KCNG2: variants seen among roughly 807,000 people sequenced by gnomAD.
The protein encoded by KCNG2 is voltage-gated potassium channel regulatory subunit KCNG2.
In KCNG2, 7 loss-of-function variants were observed where a neutral mutation model predicts 12.3. That is an observed-to-expected ratio of 0.57 (90% CI 0.32 to 1.07). KCNG2 has a LOEUF of 1.07. Ranked by LOEUF, KCNG2 falls within the 50% of genes least tolerant of loss-of-function variation. KCNG2 has a pLI of 0.04. For synonymous variants in KCNG2, 414 were observed against 351.4 expected, an observed-to-expected ratio of 1.18 and a Z score of -1.99; for missense variants, 703 against 726.0, an observed-to-expected ratio of 0.97 and a Z score of 0.36.
intron 1 of KCNG2, among the ~76,000 whole-genome samples, chr18:79,828,416 A>G (rs562856550): frequency 5.3e-4 from 79 of 148,820 alleles, no homozygotes; most frequent in South Asian, 2.2e-4. Flanking sequence ...CAGTGTGTGC[A>G]TGTTTGGGTG....
chr18:79,813,225 A>C (rs1568242897), intron 1 of KCNG2, among the ~76,000 whole-genome samples: 2 of 152,210 alleles, frequency 1.3e-5, no homozygotes, highest in Non-Finnish European at 2.9e-5. Flanking sequence ...ACGAATTCAC[A>C]TGCAGAACCC....
At chr18:79,882,172 C>T (rs552794452) in intron 3 of KCNG2, among the ~76,000 whole-genome samples, 6 of 152,314 alleles carry the variant, frequency 3.9e-5, no homozygotes, top group Middle Eastern at 6.8e-3. Context: ...GCGTCAGATA[C>T]GCGATTCATG....
At chr18:79,828,567 A>C (rs1316192042) in intron 1 of KCNG2, among the ~76,000 whole-genome samples, 1 of 150,612 alleles carries the variant, frequency 6.6e-6, no homozygotes, top group Non-Finnish European at 1.5e-5. Context: ...ATCTGTGTGC[A>C]TGTCTGTGTG....
In KCNG2 at chr18:79,853,839, C is replaced by T. The variant is rs530600097; in HGVS notation, c.-114-2540C>T. Among the ~76,000 whole-genome samples the T allele has an allele frequency of 5.8e-4, 89 of 152,344 alleles. 1 individual carries two copies. The highest frequency in any genetic ancestry group is 2.0e-3 in the African/African-American group (85 of 41,580). On this transcript the variant is annotated intron_variant, in intron 1 of 3. Coordinates refer to ENST00000316249, the MANE Select transcript of KCNG2 (RefSeq NM_012283.2). ...GGCTCCCTCCAGGGCCCGAGACGGGCGCCACCCCAGGGCGGGCACTACTTG... is the reference window on the plus strand; with the variant it reads ...GGCTCCCTCCAGGGCCCGAGACGGGTGCCACCCCAGGGCGGGCACTACTTG...
At chr18:79,828,163 G>A (rs955449213) in intron 1 of KCNG2, among the ~76,000 whole-genome samples, 2 of 152,164 alleles carry the variant, frequency 1.3e-5, no homozygotes, top group African/African-American at 4.8e-5. Context: ...GACCCCAGGT[G>A]ATCCGCCCAC....
rs1056305616 is a variant in KCNG2, at chr18:79,892,110, G to A, written c.625-6930G>A. Among the ~76,000 whole-genome samples, 10 of 112,244 alleles carry A rather than the reference G, an allele frequency of 8.9e-5. 1 individual carries two copies. The highest frequency in any genetic ancestry group is 2.5e-4 in the East Asian group (1 of 4,006). 73.6% of individuals were successfully genotyped at this position (112,244 alleles called of 152,430 possible). ...AGCCTGGATGACAGAGCAAGACTCC[G>A]TCTAAAAAAAAAAAAAAAAAACAAC... On this transcript the variant is annotated intron_variant, in intron 3 of 3. Coordinates refer to ENST00000316249, the MANE Select transcript of KCNG2 (RefSeq NM_012283.2).
chr18:79,873,433 C>CCCCCCT (rs1979938155), intron 3 of KCNG2, among the ~76,000 whole-genome samples: 1 of 144,728 alleles, frequency 6.9e-6, no homozygotes, highest in South Asian at 2.4e-4. Context: ...CCCTCCCCCC[C>CCCCCCT]CCCCAGCCAC....
In KCNG2 at chr18:79,888,408, C is replaced by T. The variant is rs184781942; in HGVS notation, c.625-10632C>T. Reference sequence around the variant, plus strand: ...GGCCGCGGTGGGGCCGGGACGGCGGCGTCCTCCTCATGAGGCCGCGGTGGG... The same window carrying T: ...GGCCGCGGTGGGGCCGGGACGGCGGTGTCCTCCTCATGAGGCCGCGGTGGG... On this transcript the variant is annotated intron_variant, in intron 3 of 3. Coordinates refer to ENST00000316249, the MANE Select transcript of KCNG2 (RefSeq NM_012283.2). Among the ~76,000 whole-genome samples, 267 of 144,088 alleles carry T rather than the reference C, an allele frequency of 1.9e-3. 3 individuals are homozygous for T. Among genetic ancestry groups the T allele is most frequent in the Middle Eastern group, 3.6e-3 (1 of 274 alleles). 94.5% of individuals were successfully genotyped at this position (144,088 alleles called of 152,430 possible).
rs7229391 is a variant in KCNG2 at position 79,882,897 on chromosome 18, A to G, written c.625-16143A>G. Reference sequence around the variant, plus strand: ...CGCGTGGAGCGCGGAGGCCGGGTACATCTGCGCGTGGCACGCGGAGGCCGG... The same window carrying G: ...CGCGTGGAGCGCGGAGGCCGGGTACGTCTGCGCGTGGCACGCGGAGGCCGG... On this transcript the variant is annotated intron_variant, in intron 3 of 3. Coordinates refer to ENST00000316249, the MANE Select transcript of KCNG2 (RefSeq NM_012283.2). 2.7e-3 allele frequency among the ~76,000 whole-genome samples: 345 copies of G among 125,836 alleles called. 8 individuals are homozygous for G. Among genetic ancestry groups the G allele is most frequent in the Middle Eastern group, 0.013 (3 of 228 alleles). 82.6% of individuals were successfully genotyped at this position (125,836 alleles called of 152,430 possible). A position where few individuals can be genotyped will look rare whatever the true frequency, so the allele number is the denominator to read the frequency against.
intron 1 of KCNG2, among the ~76,000 whole-genome samples, chr18:79,804,809 A>C (rs946054220): frequency 2.6e-5 from 4 of 152,252 alleles, no homozygotes; most frequent in African/African-American, 9.6e-5. Flanking sequence ...GTACACTTTT[A>C]TCACAGAAGA....
At chr18:79,885,856 G>A (rs1980508504) in intron 3 of KCNG2, among the ~76,000 whole-genome samples, 1 of 117,794 alleles carries the variant, frequency 8.5e-6, no homozygotes, top group Non-Finnish European at 1.9e-5. Flanking sequence ...AGGGAGATGG[G>A]GATGGGAACA....
At chr18:79,802,761 T>G (rs1368931973) in intron 1 of KCNG2, among the ~76,000 whole-genome samples, 1 of 151,762 alleles carries the variant, frequency 6.6e-6, no homozygotes, top group South Asian at 2.1e-4. Flanking sequence ...TTGGAGGGGA[T>G]GTCTTTGTGT....
At chr18:79,885,368 G>C (rs769373322) in intron 3 of KCNG2, among the ~76,000 whole-genome samples, 1 of 152,204 alleles carries the variant, frequency 6.6e-6, no homozygotes, top group South Asian at 2.1e-4. Flanking sequence ...TGATCAATCA[G>C]GGTCTGTTTT....
At position 79,899,578 on chromosome 18, in the gene KCNG2, G is replaced by A; in HGVS notation, c.1163G>A (p.Ser388Asn). The part of the protein sequence containing the change: ...RSLPGQVVAL[S>N]SILSGILLMA... ...CTGCCCGGGCAGGTGGTGGCGCTCA[G>A]CAGCATCCTCAGCGGCATCCTGCTC... The change falls in exon 4 of 4, where the codon AGC becomes AAC. Residue 388 changes from serine (S) to asparagine (N), a missense_variant. Ser to Asn is a conservative substitution (Grantham distance 46). Coordinates refer to ENST00000316249, the MANE Select transcript of KCNG2 (RefSeq NM_012283.2). 1.2e-6 allele frequency: 2 copies of A among 1,600,334 alleles called. No individual in the cohort carries two copies. Among genetic ancestry groups the A allele is most frequent in the Non-Finnish European group, 1.7e-6 (2 of 1,173,424 alleles).
At chr18:79,865,765 GGTCTGTGTGCTGAGAA>G (rs1307663514) in intron 3 of KCNG2, among the ~76,000 whole-genome samples, 12 of 137,780 alleles carry the variant, frequency 8.7e-5, no homozygotes, top group East Asian at 2.1e-4. Context: ...GGTGCTGAGA[GGTCTGTGTGCTGAGAA>G]GTCTGGGTGC....
At chr18:79,861,456 T>A (rs903846358) in intron 2 of KCNG2, among the ~76,000 whole-genome samples, 2 of 151,982 alleles carry the variant, frequency 1.3e-5, no homozygotes, top group African/African-American at 4.8e-5. Flanking sequence ...TTTTTGTATT[T>A]TTAGTAGAGA....
At chr18:79,882,416 G>A (rs978816979) in intron 3 of KCNG2, among the ~76,000 whole-genome samples, 3 of 152,226 alleles carry the variant, frequency 2.0e-5, no homozygotes, top group African/African-American at 7.2e-5. Flanking sequence ...CTCAGACTGG[G>A]AGAAAATATT....
intron 1 of KCNG2, among the ~76,000 whole-genome samples, chr18:79,810,927 G>A (rs2087489956): frequency 6.6e-6 from 1 of 152,202 alleles, no homozygotes; most frequent in Non-Finnish European, 1.5e-5. Flanking sequence ...AACTCAGCGT[G>A]TTGTTGTATA....
chr18:79,864,055 G>T lies in KCNG2; in HGVS notation c.388G>T (p.Ala130Ser). ...LRRLRRREEE[A>S]AEARAGPTER... ...CCGCCTGCGCCGCCGCGAGGAGGAGGCGGCCGAGGCCCGCGCGGGGCCGAC... is the reference window on the plus strand; with the variant it reads ...CCGCCTGCGCCGCCGCGAGGAGGAGTCGGCCGAGGCCCGCGCGGGGCCGAC... Residue 130 changes from alanine to serine, a missense_variant, in exon 3 of 4, where the codon GCG (alanine) becomes TCG (serine). Coordinates refer to ENST00000316249, the MANE Select transcript of KCNG2 (RefSeq NM_012283.2). The T allele has an allele frequency of 9.0e-7, 1 of 1,111,404 alleles. No homozygotes were observed. The highest frequency in any genetic ancestry group is 1.1e-6 in the Non-Finnish European group (1 of 911,496). 68.8% of individuals were successfully genotyped at this position (1,111,404 alleles called of 1,614,324 possible). A position where few individuals can be genotyped will look rare whatever the true frequency, so the allele number is the denominator to read the frequency against.
Sources: gnomAD v4.1 joint callset for allele counts (sites outside exome capture counted in the v4.1 genomes callset) on GRCh38, gnomAD v4.1.1 for gene constraint, MANE v1.5 for transcripts, NCBI Gene and HGNC (gene_info 2026-07-23, HGNC 2026-07-21) for gene names.